Variants in PANK2 observed in about 807,000 individuals in gnomAD.
The protein encoded by PANK2 is pantothenate kinase 2, mitochondrial.
A neutral mutation model predicts 43.1 loss-of-function variants in PANK2; 36 were observed. The observed-to-expected ratio is 0.84, with a 90% confidence interval of 0.64 to 1.10. The LOEUF is 1.10. Ranked by LOEUF, PANK2 falls within the 50% of genes least tolerant of loss-of-function variation. The probability of loss-of-function intolerance (pLI) is 0.00; values close to 1 mark genes in which losing one functional copy is unlikely to be tolerated. For missense variants in PANK2, 576 were observed against 593.3 expected (o/e 0.97, Z 0.30); for synonymous variants, 281 against 238.2 (o/e 1.18, Z -1.66).
upstream of PANK2, chr20:3,888,823 G>A (rs2090056903): frequency 2.3e-6 from 1 of 436,966 alleles, no homozygotes; most frequent in South Asian, 4.8e-5. Context: ...CGGAAAGGAG[G>A]CGGCTTAGCC....
intron 5 of PANK2, chr20:3,917,629 T>G (rs1203090855): frequency 4.3e-6 from 2 of 468,730 alleles, no homozygotes; most frequent in Non-Finnish European, 9.1e-6. Flanking sequence ...AGCTTATGGC[T>G]TGTCCCTGTG....
Position 3,908,169 on chromosome 20 carries a change from A to G in PANK2, c.542A>G (p.Asp181Gly), listed in dbSNP as rs2090417571. ...CACTTTATACGCTTTCCCACTCATG[A>G]CATGCCTGCTTTTATTCAAATGGGC... Residue 181 changes from aspartate (D) to glycine (G), a missense_variant, in exon 2 of 7, where the codon GAC becomes GGC. Coordinates refer to ENST00000610179, the MANE Select transcript of PANK2 (RefSeq NM_001386393.1). 1 of 1,614,198 alleles carries G rather than the reference A, an allele frequency of 6.2e-7. No homozygotes were observed. The highest frequency in any genetic ancestry group is 8.5e-7 in the Non-Finnish European group (1 of 1,180,022).
At chr20:3,892,904 T>G (rs1156263816) in intron 1 of PANK2, among the ~76,000 whole-genome samples, 1 of 152,010 alleles carries the variant, frequency 6.6e-6, no homozygotes, top group Non-Finnish European at 1.5e-5. Context: ...AGGCTAGGCA[T>G]GTGTATATTT....
chr20:3,923,933 T>C lies in PANK2; in HGVS notation c.*639T>C, dbSNP rs2090685347. Reference sequence around the variant, plus strand: ...GCTTCTTTTCTTGGCAGAATTTCCTTGGGTAGTGGGCGGACTGTTCTGATG... The same window carrying C: ...GCTTCTTTTCTTGGCAGAATTTCCTCGGGTAGTGGGCGGACTGTTCTGATG... On this transcript the variant is annotated 3_prime_UTR_variant, in exon 7 of 7. Coordinates refer to ENST00000610179, the MANE Select transcript of PANK2 (RefSeq NM_001386393.1). 6.4e-6 allele frequency: 1 copy of C among 155,550 alleles called. No homozygotes were observed. The highest frequency in any genetic ancestry group is 6.3e-5 in the Admixed American group (1 of 15,966). 9.6% of individuals were successfully genotyped at this position (155,550 alleles called of 1,614,324 possible). A position where few individuals can be genotyped will look rare whatever the true frequency, so the allele number is the denominator to read the frequency against.
chr20:3,889,078 T>C (rs906823457), upstream of PANK2: 40 of 1,463,288 alleles, frequency 2.7e-5, no homozygotes, highest in Non-Finnish European at 3.4e-5. Flanking sequence ...CATGCACAAG[T>C]GGGGGGCGGA....
chr20:3,912,783 C>G, intron 4 of PANK2, 149 bp downstream of exon 4: 1 of 846,122 alleles, frequency 1.2e-6, no homozygotes, highest in Non-Finnish European at 1.8e-6. Flanking sequence ...AACCCTGTCT[C>G]TACTAAAAAT....
intron 1 of PANK2, 110 bp from the exon 2 acceptor site, chr20:3,907,816 G>C: frequency 4.2e-6 from 4 of 954,424 alleles, no homozygotes; most frequent in Non-Finnish European, 6.5e-6. Context: ...CTTTTGCCTA[G>C]AATTATGTTC....
intron 1 of PANK2, among the ~76,000 whole-genome samples, chr20:3,890,203 G>C (rs2090098008): frequency 6.6e-6 from 1 of 152,126 alleles, no homozygotes; most frequent in African/African-American, 2.4e-5. Flanking sequence ...TGCCCCTTGA[G>C]TTGCACCAGG....
Position 3,927,928 on chromosome 20 carries a change from C to T in PANK2, c.*4634C>T, listed in dbSNP as rs1364199170. On this transcript the variant is annotated 3_prime_UTR_variant, in exon 7 of 7. Coordinates refer to ENST00000610179, the MANE Select transcript of PANK2 (RefSeq NM_001386393.1). Reference sequence around the variant, plus strand: ...TGATGCTTGGTCAAAAAGTGGAGTACATCTTTGCATCTTGTAACAATTTGG... The same window carrying T: ...TGATGCTTGGTCAAAAAGTGGAGTATATCTTTGCATCTTGTAACAATTTGG... 6.6e-6 allele frequency: 1 copy of T among 152,196 alleles called. No individual in the cohort carries two copies. Among genetic ancestry groups the T allele is most frequent in the East Asian group, 1.9e-4 (1 of 5,200 alleles). 9.4% of individuals were successfully genotyped at this position (152,196 alleles called of 1,614,324 possible). A position where few individuals can be genotyped will look rare whatever the true frequency, so the allele number is the denominator to read the frequency against.
chr20:3,905,071 T>C (rs2090363240), intron 1 of PANK2, among the ~76,000 whole-genome samples: 1 of 152,204 alleles, frequency 6.6e-6, no homozygotes, highest in Non-Finnish European at 1.5e-5. Context: ...GTGAAGACTT[T>C]GCTTCTGTCA....
At chr20:3,890,548 A>G (rs761114074) in intron 1 of PANK2, among the ~76,000 whole-genome samples, 4 of 152,206 alleles carry the variant, frequency 2.6e-5, no homozygotes, top group Non-Finnish European at 2.9e-5. Context: ...GAAAGTATCA[A>G]TTGTCCTGAT....
rs1402600578 is a variant in PANK2, at chr20:3,891,992, G to T, written c.298+2264G>T. Among the ~76,000 whole-genome samples, 4 of 152,138 alleles carry T rather than the reference G, an allele frequency of 2.6e-5. No individual in the cohort carries two copies. In the East Asian group the frequency reaches 7.7e-4, roughly 29 times the overall value. ...TAAAGGAATGAACAGGATACTGATT[G>T]TTCTTCCTTCCATTTGTTTCTTCTG... On this transcript the variant is annotated intron_variant, in intron 1 of 6. Transcript: ENST00000610179.
chr20:3,920,128 C>T (rs1385287846), intron 6 of PANK2, among the ~76,000 whole-genome samples: 2 of 151,928 alleles, frequency 1.3e-5, no homozygotes, highest in East Asian at 1.9e-4. Flanking sequence ...TTTTTAAACT[C>T]GAATGTTAGA....
At chr20:3,895,873 T>C (rs2146825692) in intron 1 of PANK2, among the ~76,000 whole-genome samples, 1 of 152,302 alleles carries the variant, frequency 6.6e-6, no homozygotes, top group Admixed American at 6.5e-5. Context: ...AAGTATCTAG[T>C]CCCTGAGTTT....
intron 6 of PANK2, among the ~76,000 whole-genome samples, chr20:3,919,184 T>C (rs1232449079): frequency 6.6e-6 from 1 of 152,234 alleles, no homozygotes; most frequent in Non-Finnish European, 1.5e-5. Flanking sequence ...AGTTCCAGGA[T>C]TACAGGTGTG....
At chr20:3,898,688 A>C (rs931236327) in intron 1 of PANK2, among the ~76,000 whole-genome samples, 1 of 152,004 alleles carries the variant, frequency 6.6e-6, no homozygotes, top group Admixed American at 6.6e-5. Context: ...AGATAGATTT[A>C]TTTCTTTGTT....
At chr20:3,900,809 C>G (rs930739263) in intron 1 of PANK2, among the ~76,000 whole-genome samples, 1 of 151,804 alleles carries the variant, frequency 6.6e-6, no homozygotes, top group Non-Finnish European at 1.5e-5. Flanking sequence ...TGCTCTGTCG[C>G]CTAGGCTGGA....
chr20:3,889,045 T>G (rs1600473285), upstream of PANK2: 1 of 1,408,828 alleles, frequency 7.1e-7, no homozygotes, highest in Non-Finnish European at 9.4e-7. Flanking sequence ...CCAGGAGAGT[T>G]CCGCGGCCCG....
chr20:3,907,989 A>G lies in PANK2; in HGVS notation c.362A>G (p.Lys121Arg). Residue 121 changes from lysine to arginine, a missense_variant, in exon 2 of 7, where the codon AAA (lysine) becomes AGA (arginine). By Grantham distance (26) the Lys-to-Arg change is conservative. This residue lies in a region of PANK2 where 544 missense variants were observed against 528.9 expected (regional missense o/e 1.03). Coordinates refer to ENST00000610179, the MANE Select transcript of PANK2 (RefSeq NM_001386393.1). ...GTCAAGCTGGTATATTTTGAACCCA[A>G]AGACATCACTGCTGAAGAAGAAGAG... The G allele has an allele frequency of 3.1e-6, 5 of 1,614,130 alleles. No individual in the cohort carries two copies. The highest frequency in any genetic ancestry group is 1.1e-5 in the South Asian group (1 of 91,086).
Sources: allele counts gnomAD v4.1 joint callset (sites outside exome capture counted in the v4.1 genomes callset), GRCh38; gene constraint gnomAD v4.1.1; regional missense constraint gnomAD v4.1.1; transcripts MANE v1.5; gene names NCBI Gene and HGNC (gene_info 2026-07-23, HGNC 2026-07-21).